Variants in ENTREP2 observed in about 807,000 individuals in gnomAD.
The protein encoded by ENTREP2 is protein ENTREP2.
the ENTREP2 span, chr15:29,233,963 A>C: frequency 1.3e-6 from 2 of 1,528,490 alleles, no homozygotes; most frequent in Non-Finnish European, 1.8e-6. Flanking sequence ...ACTCACTTCC[A>C]AATCAGGACT....
At chr15:29,417,941 T>C in the ENTREP2 span, among the ~76,000 whole-genome samples, 5 of 152,222 alleles carry the variant, frequency 3.3e-5, no homozygotes, top group African/African-American at 9.7e-5. Context: ...AAAGCAATTA[T>C]GTTTTGCTCA....
the ENTREP2 span, chr15:29,126,225 C>G: frequency 7.1e-7 from 1 of 1,408,122 alleles, no homozygotes; most frequent in East Asian, 2.6e-5. Flanking sequence ...CCAAGGAAAG[C>G]TGGCCACACT....
the ENTREP2 span, chr15:29,121,563 G>A: frequency 3.9e-5 from 6 of 152,226 alleles, no homozygotes; most frequent in African/African-American, 1.4e-4. Flanking sequence ...CGGCCATTCT[G>A]AAAATCCACC....
chr15:29,194,604 T>G, the ENTREP2 span, among the ~76,000 whole-genome samples: 2 of 152,164 alleles, frequency 1.3e-5, no homozygotes, highest in Admixed American at 1.3e-4. Context: ...CTCTATGCCG[T>G]TTTTGCCACC....
the ENTREP2 span, among the ~76,000 whole-genome samples, chr15:29,152,325 C>T: frequency 6.6e-6 from 1 of 152,192 alleles, no homozygotes; most frequent in African/African-American, 2.4e-5. Flanking sequence ...CAGCCAGATA[C>T]TGACATTGGT....
At chr15:29,468,759 TATAGTTCTAATC>T in the ENTREP2 span, among the ~76,000 whole-genome samples, 1 of 152,208 alleles carries the variant, frequency 6.6e-6, no homozygotes, top group Non-Finnish European at 1.5e-5. Flanking sequence ...GATTTTAAAA[TATAGTTCTAATC>T]ATTAGCCAAC....
the ENTREP2 span, among the ~76,000 whole-genome samples, chr15:29,158,743 A>G: frequency 6.6e-6 from 1 of 152,052 alleles, no homozygotes; most frequent in Non-Finnish European, 1.5e-5. Context: ...CGGGTCTTTC[A>G]TTGCTGATAC....
chr15:29,296,793 G>C, the ENTREP2 span, among the ~76,000 whole-genome samples: 6 of 152,104 alleles, frequency 3.9e-5, no homozygotes, highest in Admixed American at 3.3e-4. Flanking sequence ...GGTCAAATCA[G>C]AGCTTTCTAG....
the ENTREP2 span, among the ~76,000 whole-genome samples, chr15:29,393,582 G>A: frequency 6.6e-6 from 1 of 152,172 alleles, no homozygotes; most frequent in Admixed American, 6.5e-5. Flanking sequence ...ATGCATCAAG[G>A]AGCATGTCTT....
chr15:29,593,358 T>C, the ENTREP2 span, among the ~76,000 whole-genome samples: 1 of 152,198 alleles, frequency 6.6e-6, no homozygotes, highest in Non-Finnish European at 1.5e-5. Context: ...CATTCATTCC[T>C]GATAGCTTCT....
chr15:29,437,400 T>G, the ENTREP2 span, among the ~76,000 whole-genome samples: 2 of 152,250 alleles, frequency 1.3e-5, no homozygotes, highest in African/African-American at 4.8e-5. Flanking sequence ...AGGAGATCAG[T>G]AACCATGCTC....
At chr15:29,131,347 C>T in the ENTREP2 span, among the ~76,000 whole-genome samples, 1 of 151,890 alleles carries the variant, frequency 6.6e-6, no homozygotes, top group African/African-American at 2.4e-5. Context: ...TCTCACAACT[C>T]CTTGTCTCGC....
the ENTREP2 span, among the ~76,000 whole-genome samples, chr15:29,671,514 T>C: frequency 1.3e-5 from 2 of 152,160 alleles, no homozygotes; most frequent in African/African-American, 2.4e-5. Flanking sequence ...AATTGAATCA[T>C]AGGACACTCA....
At chr15:29,613,073 T>C in the ENTREP2 span, among the ~76,000 whole-genome samples, 1 of 152,136 alleles carries the variant, frequency 6.6e-6, no homozygotes, top group Admixed American at 6.6e-5. Context: ...CAGGAAGAGA[T>C]AATTGTCCAT....
the ENTREP2 span, among the ~76,000 whole-genome samples, chr15:29,387,890 T>C: frequency 6.6e-6 from 1 of 152,148 alleles, no homozygotes; most frequent in Non-Finnish European, 1.5e-5. Context: ...TATTTAAAAA[T>C]GGTGCTGGGA....
chr15:29,608,284 C>A, the ENTREP2 span, among the ~76,000 whole-genome samples: 2 of 152,130 alleles, frequency 1.3e-5, no homozygotes, highest in African/African-American at 4.8e-5. Flanking sequence ...GCTTTTCAAA[C>A]TTCACAGGGC....
At chr15:29,622,793 T>C in the ENTREP2 span, among the ~76,000 whole-genome samples, 1 of 152,232 alleles carries the variant, frequency 6.6e-6, no homozygotes, top group African/African-American at 2.4e-5. Flanking sequence ...AGGCATTCAC[T>C]GTTCTCATTA....
At chr15:29,445,872 C>T in the ENTREP2 span, among the ~76,000 whole-genome samples, 3 of 152,080 alleles carry the variant, frequency 2.0e-5, no homozygotes, top group South Asian at 2.1e-4. Context: ...GGATCTGATG[C>T]GAATTCCAGG....
At chr15:29,563,351 T>C in the ENTREP2 span, among the ~76,000 whole-genome samples, 2 of 152,194 alleles carry the variant, frequency 1.3e-5, no homozygotes, top group Non-Finnish European at 1.5e-5. Flanking sequence ...TTCTTTTTTT[T>C]ATTATTTTTC....
Sources: gnomAD v4.1 joint callset for allele counts (sites outside exome capture counted in the v4.1 genomes callset) on GRCh38, gnomAD v4.1.1 for gene constraint, MANE v1.5 for transcripts, NCBI Gene and HGNC (gene_info 2026-07-23, HGNC 2026-07-21) for gene names.